Variants in LSR observed in about 807,000 individuals in gnomAD.
The protein encoded by LSR is lipolysis-stimulated lipoprotein receptor.
Under a neutral mutation model 61.8 loss-of-function variants are expected in LSR, and 44 were observed. The observed-to-expected ratio is 0.71, with a 90% CI of 0.56 to 0.91. The LOEUF (loss-of-function observed/expected upper bound fraction) is 0.91. Among genes scored for constraint, LSR ranks in the 40% least tolerant of loss-of-function variants. The probability of loss-of-function intolerance (pLI) is 0.00; values close to 1 mark genes in which losing one functional copy is unlikely to be tolerated. For missense variants in LSR, 911 were observed against 830.5 expected (o/e 1.10, Z -1.19); for synonymous variants, 397 against 350.6 (o/e 1.13, Z -1.48).
rs759869893 is a variant in LSR at position 35,267,815 on chromosome 19, C to T, written c.1771-9C>T. On this transcript the variant is annotated splice_polypyrimidine_tract_variant and intron_variant, in intron 9 of 9. Coordinates refer to ENST00000605618, the MANE Select transcript of LSR (RefSeq NM_205834.4). ...GCGGCTCATACCCTTCTTTCTTTCT[C>T]CCTTGCAGAACTTGGCCCTGAGTCG... 3 of 1,614,078 alleles carry T rather than the reference C, an allele frequency of 1.9e-6. No homozygotes were observed. The highest frequency in any genetic ancestry group is 2.5e-6 in the Non-Finnish European group (3 of 1,179,968).
chr19:35,249,242 A>T (rs2065758743), intron 1 of LSR, 111 bp downstream of exon 1: 16 of 1,330,160 alleles, frequency 1.2e-5, no homozygotes, highest in Admixed American at 2.9e-5. Context: ...AGAGGCTGGG[A>T]CCTTCCGATC....
At chr19:35,257,036 C>T (rs1467147474) in intron 2 of LSR, among the ~76,000 whole-genome samples, 1 of 152,054 alleles carries the variant, frequency 6.6e-6, no homozygotes, top group South Asian at 2.1e-4. Flanking sequence ...TGGGGTTTTA[C>T]CATGTTGGCC....
Position 35,262,616 on chromosome 19 carries a change from C to T in LSR, c.702C>T (p.Cys234=). The stretch of plus-strand genomic sequence containing the variant: ...TCCTCCTCCTGGGCATCTGCTGGTG[C>T]CAGTGCTGCCCGCACACTTGCTGCT... The part of the protein sequence containing the change: ...LIFLLLGICW[C]QCCPHTCCCY... The change falls in exon 5 of 10, where the codon TGC becomes TGT. Residue 234 remains cysteine (C), a synonymous_variant. Transcript: ENST00000605618. 1.2e-6 allele frequency: 2 copies of T among 1,614,206 alleles called. No individual in the cohort carries two copies. Among genetic ancestry groups the T allele is most frequent in the Non-Finnish European group, 1.7e-6 (2 of 1,180,026 alleles).
intron 5 of LSR, among the ~76,000 whole-genome samples, chr19:35,265,885 A>C (rs1307808628): frequency 6.6e-6 from 1 of 152,118 alleles, no homozygotes; most frequent in East Asian, 1.9e-4. Context: ...GCCAAAGAGG[A>C]TACTTGATTT....
intron 2 of LSR, among the ~76,000 whole-genome samples, chr19:35,254,439 G>A (rs1408735887): frequency 6.6e-6 from 1 of 152,178 alleles, no homozygotes; most frequent in Non-Finnish European, 1.5e-5. Flanking sequence ...TAAGGTAGAA[G>A]GCTGTCCACT....
At chr19:35,261,490 T>C (rs1329273110) in intron 3 of LSR, among the ~76,000 whole-genome samples, 1 of 152,162 alleles carries the variant, frequency 6.6e-6, no homozygotes, top group Non-Finnish European at 1.5e-5. Flanking sequence ...GAAGCTGCAG[T>C]GAGCCATGAT....
At chr19:35,251,312 G>A (rs1258158096) in intron 2 of LSR, 1 of 152,154 alleles carries the variant, frequency 6.6e-6, no homozygotes, top group African/African-American at 2.4e-5. Context: ...AGAAAACTGG[G>A]TAACGGAGAG....
At chr19:35,262,834 A>G (rs2145533269) in intron 5 of LSR, 142 bp downstream of exon 5, 4 of 939,496 alleles carry the variant, frequency 4.3e-6, no homozygotes, top group Non-Finnish European at 4.7e-6. Context: ...TAGGCTGAGG[A>G]GGGTCTGCTG....
rs66534837 is a variant in LSR, at chr19:35,260,291, C to CTTTT, written c.574+1242_574+1245dup. Among the ~76,000 whole-genome samples the CTTTT allele has an allele frequency of 1.8e-3, 206 of 114,000 alleles. 5 individuals carry two copies. Among genetic ancestry groups the CTTTT allele is most frequent in the South Asian group, 3.2e-3 (11 of 3,434 alleles). 74.8% of individuals were successfully genotyped at this position (114,000 alleles called of 152,430 possible). ...TAGGAATTAAAATGGGGAGATTTTC[C>CTTTT]TTTTTTTTTTTTTTTTTTGAGATGG... On this transcript the variant is annotated intron_variant, in intron 3 of 9. Coordinates refer to ENST00000605618, the MANE Select transcript of LSR (RefSeq NM_205834.4).
chr19:35,256,643 C>T (rs2065859972), intron 2 of LSR, among the ~76,000 whole-genome samples: 1 of 152,026 alleles, frequency 6.6e-6, no homozygotes, highest in Admixed American at 6.6e-5. Context: ...TGTGGTATCC[C>T]AGGTGTCTCA....
rs759621100 is a variant in LSR, at chr19:35,258,961, T to C, written c.471T>C (p.Phe157=). ...ITITGNADLT[F]DQTAWGDSGV... is the part of the protein sequence containing the mutation. ...CCGACTCAGATGCTGACCTGACCTTTGACCAGACGGCGTGGGGGGACAGTG... is the reference window on the plus strand; with the variant it reads ...CCGACTCAGATGCTGACCTGACCTTCGACCAGACGGCGTGGGGGGACAGTG... The change falls in exon 3 of 10, where the codon TTT becomes TTC. Residue 157 remains phenylalanine, a synonymous_variant. Coordinates refer to ENST00000605618, the MANE Select transcript of LSR (RefSeq NM_205834.4). 1.9e-6 allele frequency: 3 copies of C among 1,613,886 alleles called. No individual in the cohort carries two copies. The highest frequency in any genetic ancestry group is 2.5e-6 in the Non-Finnish European group (3 of 1,179,988).
At chr19:35,267,009 G>T in intron 8 of LSR, 42 bp downstream of exon 8, 1 of 1,584,036 alleles carries the variant, frequency 6.3e-7, no homozygotes, top group Non-Finnish European at 8.6e-7. Context: ...TAAGGTGGGG[G>T]GGTGAAACAT....
intron 3 of LSR, among the ~76,000 whole-genome samples, chr19:35,261,692 T>C (rs1299443962): frequency 6.6e-6 from 1 of 152,214 alleles, no homozygotes; most frequent in Non-Finnish European, 1.5e-5. Context: ...GGGATTTGTA[T>C]TGGAGCCCTC....
chr19:35,252,661 A>AG (rs2065808917), intron 2 of LSR, among the ~76,000 whole-genome samples: 1 of 151,272 alleles, frequency 6.6e-6, no homozygotes, highest in Admixed American at 6.6e-5. Context: ...AAAAAAAAAA[A>AG]AAAAAAAAGA....
intron 3 of LSR, among the ~76,000 whole-genome samples, chr19:35,260,443 C>T (rs1038399716): frequency 8.6e-5 from 13 of 151,816 alleles, no homozygotes. Context: ...AGGCACCCGC[C>T]ACCACACCCG....
At chr19:35,255,834 C>G (rs1366408678) in intron 2 of LSR, among the ~76,000 whole-genome samples, 1 of 152,188 alleles carries the variant, frequency 6.6e-6, no homozygotes, top group East Asian at 1.9e-4. Context: ...TTATATTTGT[C>G]TTTCTTTCCT....
chr19:35,264,858 G>A (rs770601948), intron 5 of LSR: 2 of 151,998 alleles, frequency 1.3e-5, no homozygotes, highest in African/African-American at 4.8e-5. Flanking sequence ...AATATTCTAC[G>A]TCTGTCAGCT....
chr19:35,252,418 G>A (rs1435589222), intron 2 of LSR, among the ~76,000 whole-genome samples: 2 of 151,910 alleles, frequency 1.3e-5, no homozygotes, highest in Non-Finnish European at 1.5e-5. Flanking sequence ...GGAGGCCAAG[G>A]TGGGTGGATC....
At position 35,256,755 on chromosome 19, in the gene LSR, G is replaced by A. The variant is rs962201439; in HGVS notation, c.455-2190G>A. ...GAAAGAAAGAAAGAAATGTGTCTTT[G>A]AATCCAGCCATGTGCCCAGAATGAT... On this transcript the variant is annotated intron_variant, in intron 2 of 9. Transcript: ENST00000605618. Among the ~76,000 whole-genome samples the A allele has an allele frequency of 2.0e-5, 3 of 152,204 alleles. No homozygotes were observed. In the Middle Eastern group the frequency reaches 0.01, roughly 518 times the overall value.
Sources: allele counts gnomAD v4.1 joint callset (sites outside exome capture counted in the v4.1 genomes callset), GRCh38; gene constraint gnomAD v4.1.1; transcripts MANE v1.5; gene names NCBI Gene and HGNC (gene_info 2026-07-23, HGNC 2026-07-21).